The following TMEM178B variants were observed in gnomAD, a reference collection of about 807,000 sequenced individuals.
TMEM178B encodes transmembrane protein 178B.
In TMEM178B, 5 loss-of-function variants were observed where a neutral mutation model predicts 31.0. The ratio of observed to expected loss-of-function variants is 0.16; its 90% CI spans 0.08 to 0.34. The LOEUF (loss-of-function observed/expected upper bound fraction) is 0.34. Ranked by LOEUF, TMEM178B falls within the 10% of genes least tolerant of loss-of-function variation. The pLI, the probability that TMEM178B is intolerant of heterozygous loss-of-function variation, is 1.00. For missense variants in TMEM178B, 275 were observed against 400.3 expected (o/e 0.69, Z 2.67); for synonymous variants, 164 against 164.0 (o/e 1.00, Z 0.00).
intron 2 of TMEM178B, among the ~76,000 whole-genome samples, chr7:141,247,121 CTATG>C (rs1797746027): frequency 1.3e-5 from 2 of 151,780 alleles, no homozygotes; most frequent in South Asian, 4.2e-4. Flanking sequence ...CTCTCTCTTT[CTATG>C]TATATATAGA....
chr7:141,441,453 G>T (rs747629914), intron 3 of TMEM178B, among the ~76,000 whole-genome samples: 2 of 152,190 alleles, frequency 1.3e-5, no homozygotes, highest in Non-Finnish European at 2.9e-5. Context: ...GAAAGGCCCC[G>T]TGGCCTTAGC....
At chr7:141,412,721 T>A (rs953983146) in intron 2 of TMEM178B, among the ~76,000 whole-genome samples, 1 of 152,196 alleles carries the variant, frequency 6.6e-6, no homozygotes, top group Non-Finnish European at 1.5e-5. Context: ...CACCCAGTGC[T>A]CAGTGCCCCA....
chr7:141,167,499 C>T (rs1476619783), intron 1 of TMEM178B, among the ~76,000 whole-genome samples: 1 of 152,264 alleles, frequency 6.6e-6, no homozygotes, highest in African/African-American at 2.4e-5. Context: ...GGAATGACAA[C>T]TCTGAAGTGG....
chr7:141,383,989 T>C (rs1286678840), intron 2 of TMEM178B, among the ~76,000 whole-genome samples: 2 of 152,240 alleles, frequency 1.3e-5, no homozygotes, highest in African/African-American at 4.8e-5. Context: ...CATTTCTTCA[T>C]GTGTCTGTTG....
intron 1 of TMEM178B, among the ~76,000 whole-genome samples, chr7:141,153,363 A>C (rs990217198): frequency 3.3e-5 from 5 of 152,152 alleles, no homozygotes; most frequent in Non-Finnish European, 7.3e-5. Context: ...ACTTTTAAAA[A>C]TCTCTCCCTT....
At chr7:141,312,781 C>T (rs528755667) in intron 2 of TMEM178B, among the ~76,000 whole-genome samples, 7 of 152,308 alleles carry the variant, frequency 4.6e-5, no homozygotes, top group Non-Finnish European at 1.0e-4. Context: ...GTGGTAAATG[C>T]AGTTTCTAAA....
the TMEM178B span, among the ~76,000 whole-genome samples, chr7:141,502,485 C>T: frequency 6.6e-6 from 1 of 152,180 alleles, no homozygotes; most frequent in Non-Finnish European, 1.5e-5. Flanking sequence ...ATAAGAAATA[C>T]AGCTGGCTGG....
Position 141,306,360 on chromosome 7 carries a change from G to GA in TMEM178B, c.496+93657dup, listed in dbSNP as rs377266166. Among the ~76,000 whole-genome samples the GA allele has an allele frequency of 1.7e-3, 260 of 152,282 alleles. 1 individual carries two copies. The highest frequency in any genetic ancestry group is 5.7e-3 in the African/African-American group (236 of 41,554). ...TTTGCTGAAGGGGAAGGAGAGGAGG[G>GA]ATGCGTTTTTGTGGCTGTGTTAATA... On this transcript the variant is annotated intron_variant, in intron 2 of 3. Transcript: ENST00000565468.
intron 2 of TMEM178B, among the ~76,000 whole-genome samples, chr7:141,239,434 A>G (rs1797581575): frequency 6.6e-6 from 1 of 152,078 alleles, no homozygotes; most frequent in African/African-American, 2.4e-5. Context: ...TGTTTTATGA[A>G]GTTGGTCACT....
At position 141,436,965 on chromosome 7, in the gene TMEM178B, G is replaced by A. The variant is rs370426299; in HGVS notation, c.497-643G>A. Among the ~76,000 whole-genome samples the A allele has an allele frequency of 1.2e-3, 176 of 152,280 alleles. 1 individual carries two copies. Among genetic ancestry groups the A allele is most frequent in the African/African-American group, 4.1e-3 (170 of 41,562 alleles). On this transcript the variant is annotated intron_variant, in intron 2 of 3. Coordinates refer to ENST00000565468, the MANE Select transcript of TMEM178B (RefSeq NM_001195278.2). ...TGGAGCTTAGAGGAGAGCAGGAAGT[G>A]TGGCTCTCCTCCTGCAGCCCTGCAT... is the stretch of plus-strand genomic sequence containing the variant.
intron 2 of TMEM178B, among the ~76,000 whole-genome samples, chr7:141,350,275 G>A (rs979658296): frequency 2.5e-4 from 38 of 151,678 alleles, no homozygotes; most frequent in African/African-American, 8.5e-4. Flanking sequence ...CCATCCCATC[G>A]AGAAAAGCCC....
chr7:141,183,330 T>C (rs1429160463), intron 1 of TMEM178B, among the ~76,000 whole-genome samples: 6 of 152,210 alleles, frequency 3.9e-5, no homozygotes, highest in Non-Finnish European at 7.3e-5. Context: ...GTCCTCTGAT[T>C]TGCCCTTAAT....
chr7:141,096,637 C>T (rs1794964922), intron 1 of TMEM178B, among the ~76,000 whole-genome samples: 1 of 152,206 alleles, frequency 6.6e-6, no homozygotes, highest in South Asian at 2.1e-4. Context: ...ATACCCCTTC[C>T]CTTATACTGC....
At chr7:141,184,983 C>T (rs1232958191) in intron 1 of TMEM178B, among the ~76,000 whole-genome samples, 2 of 152,224 alleles carry the variant, frequency 1.3e-5, no homozygotes, top group African/African-American at 4.8e-5. Flanking sequence ...TGGCCAGACA[C>T]ATCTAAAGCT....
chr7:141,429,282 T>C (rs1013456291), intron 2 of TMEM178B, among the ~76,000 whole-genome samples: 2 of 148,456 alleles, frequency 1.3e-5, no homozygotes, highest in African/African-American at 5.0e-5. Flanking sequence ...TGTCAACCAA[T>C]GGATGAATGG....
chr7:141,103,381 A>G (rs1416774985), intron 1 of TMEM178B, among the ~76,000 whole-genome samples: 1 of 152,076 alleles, frequency 6.6e-6, no homozygotes, highest in Non-Finnish European at 1.5e-5. Flanking sequence ...TGGAAGTTGA[A>G]ATTCGAGTGC....
At chr7:141,091,410 G>C (rs1794878294) in intron 1 of TMEM178B, among the ~76,000 whole-genome samples, 1 of 152,088 alleles carries the variant, frequency 6.6e-6, no homozygotes, top group Non-Finnish European at 1.5e-5. Context: ...CAAACTGAAG[G>C]TGGCATTTCT....
intron 2 of TMEM178B, among the ~76,000 whole-genome samples, chr7:141,269,253 G>A (rs1161261714): frequency 6.6e-6 from 1 of 151,936 alleles, no homozygotes; most frequent in Non-Finnish European, 1.5e-5. Context: ...ACCATGCCCA[G>A]CTAATTTTTG....
At chr7:141,366,803 G>A (rs1479430779) in intron 2 of TMEM178B, among the ~76,000 whole-genome samples, 1 of 152,074 alleles carries the variant, frequency 6.6e-6, no homozygotes, top group African/African-American at 2.4e-5. Flanking sequence ...CGATTTGGAT[G>A]GGCTCCTTGG....
Sources: allele counts gnomAD v4.1 joint callset (sites outside exome capture counted in the v4.1 genomes callset), GRCh38; gene constraint gnomAD v4.1.1; transcripts MANE v1.5; gene names NCBI Gene and HGNC (gene_info 2026-07-23, HGNC 2026-07-21).